The following DENND3 variants were observed in gnomAD, a reference collection of about 807,000 sequenced individuals.
DENND3 encodes DENN domain-containing protein 3.
Under a neutral mutation model 135.1 loss-of-function variants are expected in DENND3, and 88 were observed. The observed-to-expected ratio is 0.65, with a 90% CI of 0.55 to 0.78. DENND3 has a LOEUF of 0.78. Ranked by LOEUF, DENND3 falls within the 30% of genes least tolerant of loss-of-function variation. The pLI, the probability that DENND3 is intolerant of heterozygous loss-of-function variation, is 0.00. For missense variants in DENND3, 1,392 were observed against 1,688.4 expected (o/e 0.82, Z 3.08); for synonymous variants, 693 against 712.3 (o/e 0.97, Z 0.43).
intron 17 of DENND3, among the ~76,000 whole-genome samples, chr8:141,183,725 TTTTTTGTTTTG>T (rs1823486171): frequency 6.9e-6 from 1 of 144,878 alleles, no homozygotes; most frequent in African/African-American, 2.8e-5. Context: ...ACACTGTCAG[TTTTTTGTTTTG>T]TTTTTTTTTT....
Position 141,168,587 on chromosome 8 carries a change from G to T in DENND3, c.2275+62G>T. The T allele has an allele frequency of 1.3e-6, 2 of 1,527,298 alleles. No homozygotes were observed. Among genetic ancestry groups the T allele is most frequent in the South Asian group, 2.6e-5 (2 of 77,844 alleles). The allele number at this position is 1,527,298 out of a possible 1,614,324, so 94.6% of individuals were successfully genotyped here. On this transcript the variant is annotated intron_variant, in intron 13 of 22. Coordinates refer to ENST00000519811, the MANE Select transcript of DENND3 (RefSeq NM_001352890.3). This position sits in a 1 kb window ranked among gnomAD's most constrained non-coding sequence, Gnocchi z 6.2. ...TTTAGAGACAGGGTCTGGCTCTGTCGCCCAGGCTGGAGTGGACTGGCAATC... is the reference window on the plus strand; with the variant it reads ...TTTAGAGACAGGGTCTGGCTCTGTCTCCCAGGCTGGAGTGGACTGGCAATC...
chr8:141,178,913 C>T (rs891360989), intron 16 of DENND3, among the ~76,000 whole-genome samples: 1 of 152,206 alleles, frequency 6.6e-6, no homozygotes, highest in African/African-American at 2.4e-5. Context: ...TTTGGTCTGT[C>T]CCTTCATCAG....
chr8:141,177,939 T>G lies in DENND3; in HGVS notation c.2707-128T>G, dbSNP rs545365653. The G allele has an allele frequency of 7.7e-5, 92 of 1,198,088 alleles. No individual in the cohort carries two copies. The East Asian group carries it at 1.9e-3, about 24-fold the overall frequency. The allele number at this position is 1,198,088 out of a possible 1,614,324, so 74.2% of individuals were successfully genotyped here. A position where few individuals can be genotyped will look rare whatever the true frequency, so the allele number is the denominator to read the frequency against. On this transcript the variant is annotated intron_variant, in intron 15 of 22. Coordinates refer to ENST00000519811, the MANE Select transcript of DENND3 (RefSeq NM_001352890.3). Reference sequence around the variant, plus strand: ...ACATAAAATCCAAATTCATCCGTGATCTAAACTCTTCATGTCACTTTGGAA... The same window carrying G: ...ACATAAAATCCAAATTCATCCGTGAGCTAAACTCTTCATGTCACTTTGGAA...
At chr8:141,190,486 G>A (rs1168870275) in intron 20 of DENND3, 69 bp downstream of exon 20, 10 of 1,492,242 alleles carry the variant, frequency 6.7e-6, no homozygotes, top group Non-Finnish European at 8.9e-6. Flanking sequence ...TGCTGAACGA[G>A]AGCAGAAAGC....
chr8:141,166,109 C>A lies in DENND3; in HGVS notation c.1554-81C>A. 7.2e-7 allele frequency: 1 copy of A among 1,395,596 alleles called. No homozygotes were observed. The highest frequency in any genetic ancestry group is 1.0e-6 in the Non-Finnish European group (1 of 993,838). 86.5% of individuals were successfully genotyped at this position (1,395,596 alleles called of 1,614,324 possible). On this transcript the variant is annotated intron_variant, in intron 11 of 22. Transcript: ENST00000519811. The surrounding 1 kb of genome is among the most constrained non-coding windows in gnomAD (Gnocchi z 4.3). ...AGAGTGTCATGTGCTCTTCATCACA[C>A]TGGGAAAAATGCTTAGTTTAGGCTT...
chr8:141,181,908 G>A (rs576912245), intron 17 of DENND3, among the ~76,000 whole-genome samples: 4 of 152,206 alleles, frequency 2.6e-5, no homozygotes, highest in Non-Finnish European at 5.9e-5. Flanking sequence ...GGGTAGCTGG[G>A]ACCATCGGCT....
chr8:141,165,794 C>A (rs1013383422), intron 11 of DENND3, among the ~76,000 whole-genome samples: 3 of 152,140 alleles, frequency 2.0e-5, no homozygotes, highest in Admixed American at 2.0e-4. Flanking sequence ...ACACTTGAAA[C>A]GTGCCCGATG....
intron 8 of DENND3, among the ~76,000 whole-genome samples, chr8:141,157,130 C>A (rs1819538874): frequency 6.6e-6 from 1 of 152,150 alleles, no homozygotes; most frequent in South Asian, 2.1e-4. Flanking sequence ...TTTCTTTCAT[C>A]TCTGTTACTC....
chr8:141,147,664 A>G (rs955306621), intron 5 of DENND3, among the ~76,000 whole-genome samples: 17 of 152,184 alleles, frequency 1.1e-4, no homozygotes, highest in Admixed American at 1.1e-3. Context: ...CCCGCAGGGC[A>G]CGGCACAGTT....
At chr8:141,189,600 C>T (rs2154613539) in intron 19 of DENND3, among the ~76,000 whole-genome samples, 1 of 150,580 alleles carries the variant, frequency 6.6e-6, no homozygotes, top group Admixed American at 6.6e-5. Flanking sequence ...GAGGTGGGGT[C>T]TCCTTGAGCA....
chr8:141,186,218 C>T lies in DENND3; in HGVS notation c.3084+940C>T, dbSNP rs1823870805. 2.0e-5 allele frequency among the ~76,000 whole-genome samples: 3 copies of T among 152,308 alleles called. No homozygotes were observed. In the South Asian group the frequency reaches 6.2e-4, roughly 32 times the overall value. ...CCAGGGACCAGGGCCTTAAAATGAA[C>T]CTGCAGTGTTTCCTGGGAACCCTGG... On this transcript the variant is annotated intron_variant, in intron 18 of 22. Coordinates refer to ENST00000519811, the MANE Select transcript of DENND3 (RefSeq NM_001352890.3).
intron 6 of DENND3, 149 bp downstream of exon 6, chr8:141,151,102 A>G (rs950324243): frequency 4.0e-5 from 50 of 1,255,738 alleles, no homozygotes; most frequent in South Asian, 2.6e-4. Context: ...TTTAAAGCCA[A>G]TGTTCCCTAC....
At chr8:141,164,710 T>C (rs1169522569) in intron 10 of DENND3, among the ~76,000 whole-genome samples, 1 of 152,084 alleles carries the variant, frequency 6.6e-6, no homozygotes, top group Non-Finnish European at 1.5e-5. Flanking sequence ...CCCTGTATCA[T>C]TCCCTCCTCT....
At position 141,141,553 on chromosome 8, in the gene DENND3, C is replaced by G; in HGVS notation, c.623+229C>G. 4 of 558,742 alleles carry G rather than the reference C, an allele frequency of 7.2e-6. No individual in the cohort carries two copies. The highest frequency in any genetic ancestry group is 6.3e-5 in the South Asian group (3 of 47,428). The allele number at this position is 558,742 out of a possible 1,614,324, so 34.6% of individuals were successfully genotyped here. On this transcript the variant is annotated intron_variant, in intron 4 of 22. Transcript: ENST00000519811. This position sits in a 1 kb window ranked among gnomAD's most constrained non-coding sequence, Gnocchi z 5.3. The stretch of plus-strand genomic sequence containing the variant: ...GGCAGGGGGTGTGGCAGCGGGCGCT[C>G]CTCTCTGTGACTGGTAACATACGGT...
intron 8 of DENND3, chr8:141,157,857 T>G: frequency 1.1e-6 from 1 of 894,564 alleles, no homozygotes; most frequent in Non-Finnish European, 1.3e-6. Flanking sequence ...CCTTCCAGGT[T>G]CAAGCGATTC....
In DENND3 at chr8:141,182,339, G is replaced by A. The variant is rs556534156; in HGVS notation, c.2944+1485G>A. ...ATGGCAGGCCAAGAAACCCAGGAAC[G>A]CGATAGACCCTGGCTGAGTGAGCAG... On this transcript the variant is annotated intron_variant, in intron 17 of 22. Transcript: ENST00000519811. The surrounding 1 kb of genome is among the most constrained non-coding windows in gnomAD (Gnocchi z 5.9). 1.0e-5 allele frequency: 10 copies of A among 985,374 alleles called. No individual in the cohort carries two copies. Among genetic ancestry groups the A allele is most frequent in the East Asian group, 2.3e-4 (2 of 8,812 alleles). The allele number at this position is 985,374 out of a possible 1,614,324, so 61.0% of individuals were successfully genotyped here. A position where few individuals can be genotyped will look rare whatever the true frequency, so the allele number is the denominator to read the frequency against.
Position 141,167,445 on chromosome 8 carries a change from C to G in DENND3, c.1754-559C>G, listed in dbSNP as rs1820954223. Among the ~76,000 whole-genome samples, 1 of 152,220 alleles carries G rather than the reference C, an allele frequency of 6.6e-6. No homozygotes were observed. On this transcript the variant is annotated intron_variant, in intron 12 of 22. Coordinates refer to ENST00000519811, the MANE Select transcript of DENND3 (RefSeq NM_001352890.3). The surrounding 1 kb of genome is among the most constrained non-coding windows in gnomAD (Gnocchi z 4.1). ...AGGAAACCCAGCACCCAGTTGGTGCCTAGCTCCTGGAGGGCCCTTAGGTAA... is the reference window on the plus strand; with the variant it reads ...AGGAAACCCAGCACCCAGTTGGTGCGTAGCTCCTGGAGGGCCCTTAGGTAA...
At position 141,138,084 on chromosome 8, in the gene DENND3, G is replaced by C; in HGVS notation, c.448G>C (p.Val150Leu). 3 of 1,610,502 alleles carry C rather than the reference G, an allele frequency of 1.9e-6. No individual in the cohort carries two copies. Among genetic ancestry groups the C allele is most frequent in the Non-Finnish European group, 1.7e-6 (2 of 1,178,272 alleles). The part of the protein sequence containing the change: ...DCVHFLVLTD[V>L]CGNRTYGVVA... ...CGTCCACTTCCTGGTGCTGACCGAT[G>C]TCTGCGGGAATAGGACCTATGGCGT... The change falls in exon 3 of 23, where the codon GTC (valine) becomes CTC (leucine). Residue 150 changes from valine to leucine, a missense_variant. Val to Leu is a conservative substitution (Grantham distance 32). Coordinates refer to ENST00000519811, the MANE Select transcript of DENND3 (RefSeq NM_001352890.3). This position sits in a 1 kb window ranked among gnomAD's most constrained non-coding sequence, Gnocchi z 4.8.
At chr8:141,191,415 C>T (rs749264054) in intron 20 of DENND3, 1 of 152,268 alleles carries the variant, frequency 6.6e-6, no homozygotes, top group African/African-American at 2.4e-5. Flanking sequence ...ATGGAACATG[C>T]TCATCCTTCC....
Sources: allele counts gnomAD v4.1 joint callset (sites outside exome capture counted in the v4.1 genomes callset), GRCh38; gene constraint gnomAD v4.1.1; non-coding constraint Gnocchi (gnomAD v3.1); transcripts MANE v1.5; gene names NCBI Gene and HGNC (gene_info 2026-07-23, HGNC 2026-07-21).